Variants in ATF2 observed in about 807,000 individuals in gnomAD.
The protein encoded by ATF2 is cyclic AMP-dependent transcription factor ATF-2.
ATF2 carries 24 observed loss-of-function variants against 60.6 expected under a neutral mutation model. That is an observed-to-expected ratio of 0.40 (90% confidence interval 0.29 to 0.56). The LOEUF (loss-of-function observed/expected upper bound fraction) is 0.56, where lower values mean the gene tolerates loss of function less well. Ranked by LOEUF, ATF2 falls within the 20% of genes least tolerant of loss-of-function variation. The probability of loss-of-function intolerance (pLI) is 0.54; values close to 1 mark genes in which losing one functional copy is unlikely to be tolerated. For missense variants in ATF2, 433 were observed against 607.7 expected (o/e 0.71, Z 3.02); for synonymous variants, 206 against 215.4 (o/e 0.96, Z 0.38).
Position 175,146,135 on chromosome 2 carries a change from T to C in ATF2, c.-44+4925A>G, listed in dbSNP as rs150455782. 6.8e-3 allele frequency among the ~76,000 whole-genome samples: 1,030 copies of C among 152,260 alleles called. 9 individuals are homozygous for C. The highest frequency in any genetic ancestry group is 0.014 in the Middle Eastern group (4 of 294). ...TTCTATAATAGTCATGCCAAAGATA[T>C]AGAACCTGTATCTAATAATGAAGAG... On this transcript the variant is annotated intron_variant, in intron 2 of 13. Transcript: ENST00000264110.
At chr2:175,130,095 A>T in intron 4 of ATF2, 43 bp downstream of exon 4, 1 of 1,315,430 alleles carries the variant, frequency 7.6e-7, no homozygotes. Flanking sequence ...ATGTTTTAAT[A>T]AGTGGAAATA....
chr2:175,130,206 G>T lies in ATF2; in HGVS notation c.34C>A (p.Gln12Lys). ...CTCATATTCCACAGGTCCTTGTATT[G>T]CCTATAATCAAACAGAAGACACTTT... ...KFKLHVNSARQYKDLWNMSDD... is the reference protein window; with the variant it reads ...KFKLHVNSARKYKDLWNMSDD... Residue 12 changes from glutamine (Q) to lysine (K), a missense_variant and splice_region_variant, in exon 4 of 14, where the codon CAA becomes AAA. Physicochemically the swap from Gln to Lys is moderately conservative, Grantham distance 53. Coordinates refer to ENST00000264110, the MANE Select transcript of ATF2 (RefSeq NM_001880.4). The T allele has an allele frequency of 6.4e-7, 1 of 1,564,398 alleles. No homozygotes were observed. The highest frequency in any genetic ancestry group is 8.7e-7 in the Non-Finnish European group (1 of 1,154,238).
intron 3 of ATF2, 141 bp from the exon 4 acceptor site, chr2:175,130,348 CTA>C (rs1205177787): frequency 4.0e-6 from 2 of 503,880 alleles, no homozygotes; most frequent in Non-Finnish European, 6.5e-6. Flanking sequence ...CATTTTAATT[CTA>C]TCTTTCTTAT....
chr2:175,108,245 C>T (rs1009550142), intron 10 of ATF2, among the ~76,000 whole-genome samples: 1 of 151,238 alleles, frequency 6.6e-6, no homozygotes, highest in Non-Finnish European at 1.5e-5. Context: ...AGTGAGGAGC[C>T]CCTCCGCCCA....
At chr2:175,111,081 G>A (rs1049931559) in intron 10 of ATF2, among the ~76,000 whole-genome samples, 2 of 152,044 alleles carry the variant, frequency 1.3e-5, no homozygotes, top group Non-Finnish European at 1.5e-5. Context: ...GTGAATAGTG[G>A]AGTTAGGATT....
At chr2:175,107,328 T>C (rs764729038) in intron 10 of ATF2, among the ~76,000 whole-genome samples, 1 of 152,184 alleles carries the variant, frequency 6.6e-6, no homozygotes, top group Non-Finnish European at 1.5e-5. Flanking sequence ...ACGCTGCTGG[T>C]AGGAATGTAA....
At chr2:175,082,575 TTA>T (rs1360577739) in intron 12 of ATF2, among the ~76,000 whole-genome samples, 3 of 152,174 alleles carry the variant, frequency 2.0e-5, no homozygotes, top group African/African-American at 7.2e-5. Flanking sequence ...GGCTGGATAT[TTA>T]TTTTTACTCA....
chr2:175,155,278 G>A (rs1490445788), intron 1 of ATF2, among the ~76,000 whole-genome samples: 1 of 152,116 alleles, frequency 6.6e-6, no homozygotes, highest in Admixed American at 6.6e-5. Context: ...GTTGCCCTAG[G>A]TTGTAGAAGC....
At chr2:175,114,473 T>C (rs1696410953) in intron 8 of ATF2, 2 of 1,267,434 alleles carry the variant, frequency 1.6e-6, no homozygotes, top group Non-Finnish European at 2.0e-6. Flanking sequence ...TATCTTAAAT[T>C]CACATTCTAT....
At chr2:175,122,585 T>G (rs966259991) in intron 4 of ATF2, among the ~76,000 whole-genome samples, 4 of 152,060 alleles carry the variant, frequency 2.6e-5, no homozygotes, top group Non-Finnish European at 5.9e-5. Flanking sequence ...TTAAACACAA[T>G]GTAAAAGAAT....
intron 3 of ATF2, among the ~76,000 whole-genome samples, chr2:175,134,338 C>T (rs1349450421): frequency 2.0e-5 from 3 of 151,962 alleles, no homozygotes; most frequent in Admixed American, 2.0e-4. Context: ...TTGGTATCTT[C>T]AGGAGATCCT....
intron 4 of ATF2, among the ~76,000 whole-genome samples, chr2:175,127,893 T>C (rs1195395711): frequency 1.3e-5 from 2 of 152,164 alleles, no homozygotes; most frequent in Non-Finnish European, 2.9e-5. Context: ...TACAATGAGA[T>C]ACCATTAAAC....
chr2:175,085,968 T>G (rs1363242681), intron 12 of ATF2, among the ~76,000 whole-genome samples: 1 of 152,212 alleles, frequency 6.6e-6, no homozygotes, highest in Non-Finnish European at 1.5e-5. Flanking sequence ...ATATATAAAT[T>G]TGCATGTATC....
At chr2:175,119,699 G>A (rs906434089) in intron 5 of ATF2, among the ~76,000 whole-genome samples, 2 of 151,656 alleles carry the variant, frequency 1.3e-5, no homozygotes, top group African/African-American at 4.8e-5. Context: ...AGTAAGTAAA[G>A]TACATGTATT....
intron 4 of ATF2, among the ~76,000 whole-genome samples, chr2:175,125,156 T>C (rs1697244635): frequency 6.6e-6 from 1 of 152,084 alleles, no homozygotes; most frequent in African/African-American, 2.4e-5. Context: ...TGTCATTGCT[T>C]ACTGGTGACA....
At chr2:175,164,286 C>G (rs1446104898) in intron 1 of ATF2, among the ~76,000 whole-genome samples, 1 of 151,930 alleles carries the variant, frequency 6.6e-6, no homozygotes, top group Admixed American at 6.6e-5. Flanking sequence ...GTAATCCCAA[C>G]ACTTTGAGAG....
At chr2:175,111,778 A>AT in intron 9 of ATF2, 124 bp from the exon 10 acceptor site, 7 of 797,176 alleles carry the variant, frequency 8.8e-6, no homozygotes, top group Non-Finnish European at 9.8e-6. Context: ...TCACCAGCTG[A>AT]TTTTATCTCT....
At chr2:175,094,403 GAAAAAAAAAAAAA>G (rs61440218) in intron 11 of ATF2, among the ~76,000 whole-genome samples, 2 of 61,138 alleles carry the variant, frequency 3.3e-5, no homozygotes, top group Non-Finnish European at 6.9e-5. Context: ...CAAAAAATAC[GAAAAAAAAAAAAA>G]AAAAAAAAAA....
intron 2 of ATF2, among the ~76,000 whole-genome samples, chr2:175,146,358 T>C (rs757984737): frequency 1.3e-5 from 2 of 152,152 alleles, no homozygotes; most frequent in Admixed American, 1.3e-4. Flanking sequence ...TCAGAACAAC[T>C]GGAAAAACTT....
Sources: gnomAD v4.1 joint callset for allele counts (sites outside exome capture counted in the v4.1 genomes callset) on GRCh38, gnomAD v4.1.1 for gene constraint, MANE v1.5 for transcripts, NCBI Gene and HGNC (gene_info 2026-07-23, HGNC 2026-07-21) for gene names.